The following CCSER1 variants were observed in gnomAD, a reference collection of about 807,000 sequenced individuals.
CCSER1 encodes the protein coiled-coil serine rich protein 1.
Under a neutral mutation model 82.0 loss-of-function variants are expected in CCSER1, and 41 were observed. That is an observed-to-expected ratio of 0.50 (90% confidence interval 0.39 to 0.65). The LOEUF (loss-of-function observed/expected upper bound fraction) is 0.65. Among genes scored for constraint, CCSER1 ranks in the 30% least tolerant of loss-of-function variants. The pLI is 0.00. For synonymous variants in CCSER1, 414 were observed against 383.9 expected (o/e 1.08, Z -0.92); for missense variants, 1,119 against 1,064.2 (o/e 1.05, Z -0.72).
intron 4 of CCSER1, 120 bp from the exon 5 acceptor site, chr4:90,468,114 A>C: frequency 1.2e-6 from 1 of 858,180 alleles, no homozygotes; most frequent in Admixed American, 3.5e-5. Flanking sequence ...TAATTTAATA[A>C]TTAATGTTTT....
chr4:91,161,193 G>C (rs952264745), intron 10 of CCSER1, among the ~76,000 whole-genome samples: 5 of 151,996 alleles, frequency 3.3e-5, no homozygotes, highest in Non-Finnish European at 5.9e-5. Flanking sequence ...TGTCAGATTT[G>C]TCAAAAATCA....
chr4:91,360,645 CA>C (rs924907416), intron 10 of CCSER1, among the ~76,000 whole-genome samples: 4 of 151,666 alleles, frequency 2.6e-5, no homozygotes, highest in African/African-American at 9.7e-5. Flanking sequence ...CGAGCTCAGC[CA>C]ACAAGACAGC....
rs1262034668 is a variant in CCSER1, at chr4:91,598,953, C to T, written c.2599C>T (p.Pro867Ser). 1 of 1,551,552 alleles carries T rather than the reference C, an allele frequency of 6.4e-7. No homozygotes were observed. Residue 867 changes from proline (P) to serine (S), a missense_variant, in exon 11 of 11, where the codon CCC (proline) becomes TCC (serine). Transcript: ENST00000509176. ...STFTGRFGQP[P>S]RGPISLHMYS... is the part of the protein sequence containing the mutation. Reference sequence around the variant, plus strand: ...CTTTACAGGCAGGTTTGGACAGCCACCCAGAGGGCCAATCTCTTTACACAT... The same window carrying T: ...CTTTACAGGCAGGTTTGGACAGCCATCCAGAGGGCCAATCTCTTTACACAT...
At chr4:90,655,531 C>G (rs575175250) in intron 6 of CCSER1, among the ~76,000 whole-genome samples, 2 of 151,988 alleles carry the variant, frequency 1.3e-5, no homozygotes, top group Non-Finnish European at 2.9e-5. Flanking sequence ...CTTTCTGGCT[C>G]TCTTACTCAC....
intron 8 of CCSER1, chr4:90,911,232 A>T: frequency 2.3e-6 from 1 of 439,490 alleles, no homozygotes; most frequent in South Asian, 1.7e-5. Flanking sequence ...TTATATTAAT[A>T]AAGTTTAGTG....
intron 10 of CCSER1, among the ~76,000 whole-genome samples, chr4:91,555,744 T>C (rs1158557227): frequency 6.6e-6 from 1 of 151,188 alleles, no homozygotes; most frequent in Admixed American, 6.6e-5. Context: ...TTCATCTTAT[T>C]TTATGTTTTT....
At chr4:90,804,115 C>G (rs182687479) in intron 7 of CCSER1, among the ~76,000 whole-genome samples, 70 of 152,212 alleles carry the variant, frequency 4.6e-4, no homozygotes, top group African/African-American at 1.6e-3. Flanking sequence ...GTTATTACTC[C>G]TTTGTCAGAT....
intron 5 of CCSER1, among the ~76,000 whole-genome samples, chr4:90,488,885 G>A (rs1173257817): frequency 6.6e-6 from 1 of 152,182 alleles, no homozygotes; most frequent in African/African-American, 2.4e-5. Context: ...ACCTTGTGCA[G>A]AGGAGAGGGA....
intron 5 of CCSER1, among the ~76,000 whole-genome samples, chr4:90,469,460 T>C (rs1560567478): frequency 6.6e-6 from 1 of 151,768 alleles, no homozygotes; most frequent in African/African-American, 2.4e-5. Context: ...TTTTGTCTAA[T>C]AGATAATTGC....
At chr4:91,113,455 T>C (rs1726261747) in intron 10 of CCSER1, among the ~76,000 whole-genome samples, 1 of 152,192 alleles carries the variant, frequency 6.6e-6, no homozygotes, top group Admixed American at 6.5e-5. Flanking sequence ...GACTTACGTT[T>C]TGAGTGATTA....
intron 8 of CCSER1, among the ~76,000 whole-genome samples, chr4:90,885,134 A>T (rs1435827923): frequency 1.3e-5 from 2 of 152,190 alleles, no homozygotes; most frequent in Non-Finnish European, 2.9e-5. Flanking sequence ...ACAAAGTCAC[A>T]TAATTTTTTT....
At chr4:91,004,894 C>T (rs941583526) in intron 9 of CCSER1, among the ~76,000 whole-genome samples, 2 of 152,106 alleles carry the variant, frequency 1.3e-5, no homozygotes, top group African/African-American at 4.8e-5. Context: ...TGATGAAATA[C>T]AGTCATAGAG....
intron 7 of CCSER1, among the ~76,000 whole-genome samples, chr4:90,741,669 T>C (rs1746580727): frequency 6.6e-6 from 1 of 152,220 alleles, no homozygotes; most frequent in Admixed American, 6.5e-5. Flanking sequence ...TCATTTTTAT[T>C]GTTTTTTACA....
chr4:91,296,052 CA>C (rs1744137911), intron 10 of CCSER1, among the ~76,000 whole-genome samples: 2 of 151,782 alleles, frequency 1.3e-5, no homozygotes, highest in Non-Finnish European at 2.9e-5. Context: ...AGTCATTCCT[CA>C]AAATCTTAAT....
chr4:90,987,474 C>T (rs1029251261), intron 9 of CCSER1, among the ~76,000 whole-genome samples: 4 of 151,584 alleles, frequency 2.6e-5, no homozygotes, highest in African/African-American at 9.7e-5. Flanking sequence ...TGGTTCAAAA[C>T]AAATCTTTCT....
chr4:91,146,638 T>C (rs1729569810), intron 10 of CCSER1, among the ~76,000 whole-genome samples: 1 of 152,246 alleles, frequency 6.6e-6, no homozygotes, highest in East Asian at 1.9e-4. Context: ...ATTCTTTTTT[T>C]CCCTTGAGAT....
chr4:91,183,516 T>C (rs1456757362), intron 10 of CCSER1, among the ~76,000 whole-genome samples: 2 of 152,164 alleles, frequency 1.3e-5, no homozygotes, highest in Non-Finnish European at 2.9e-5. Flanking sequence ...TATAAAAGCT[T>C]TCTGTATTTA....
chr4:90,262,943 G>T (rs1428415335), intron 1 of CCSER1, among the ~76,000 whole-genome samples: 1 of 152,104 alleles, frequency 6.6e-6, no homozygotes, highest in Non-Finnish European at 1.5e-5. Flanking sequence ...TTCCAGGAAG[G>T]CTGTCTATAG....
chr4:91,365,121 T>C (rs568759903), intron 10 of CCSER1, among the ~76,000 whole-genome samples: 1 of 152,188 alleles, frequency 6.6e-6, no homozygotes, highest in Non-Finnish European at 1.5e-5. Context: ...ATAAACAGTC[T>C]TTAAAAGATA....
Sources: gnomAD v4.1 joint callset for allele counts (sites outside exome capture counted in the v4.1 genomes callset) on GRCh38, gnomAD v4.1.1 for gene constraint, MANE v1.5 for transcripts, NCBI Gene and HGNC (gene_info 2026-07-23, HGNC 2026-07-21) for gene names.